The following ANKRD44 variants were observed in gnomAD, a reference collection of about 807,000 sequenced individuals.
The protein encoded by ANKRD44 is ankyrin repeat domain 44.
In ANKRD44, 35 loss-of-function variants were observed where a neutral mutation model predicts 116.0. The observed-to-expected ratio is 0.30, with a 90% CI of 0.23 to 0.40. The LOEUF is 0.40. Among genes scored for constraint, ANKRD44 ranks in the 10% least tolerant of loss-of-function variants. The pLI, the probability that ANKRD44 is intolerant of heterozygous loss-of-function variation, is 1.00. For synonymous variants in ANKRD44, 435 were observed against 461.8 expected (o/e 0.94, Z 0.74); for missense variants, 1,014 against 1,242.6 (o/e 0.82, Z 2.77).
chr2:197,050,599 T>C (rs2077088632), intron 16 of ANKRD44, among the ~76,000 whole-genome samples: 1 of 151,998 alleles, frequency 6.6e-6, no homozygotes, highest in Admixed American at 6.6e-5. Context: ...ATTCTTGTAT[T>C]TTCAGTGGAG....
intron 1 of ANKRD44, among the ~76,000 whole-genome samples, chr2:197,278,987 C>T (rs1298818409): frequency 6.6e-6 from 1 of 152,180 alleles, no homozygotes; most frequent in East Asian, 1.9e-4. Flanking sequence ...TTTTCCACAT[C>T]CTTTCAAAGG....
At chr2:197,078,662 G>A (rs772341304) in intron 16 of ANKRD44, 41 bp downstream of exon 16, 4 of 1,530,390 alleles carry the variant, frequency 2.6e-6, no homozygotes, top group Admixed American at 1.7e-5. Context: ...TGGGGTATGT[G>A]TGTGTGTGTG....
intron 10 of ANKRD44, chr2:197,099,482 T>A: frequency 9.8e-7 from 1 of 1,025,142 alleles, no homozygotes; most frequent in Non-Finnish European, 1.2e-6. Flanking sequence ...CATTCTAAAT[T>A]GGCTCAGTTA....
chr2:197,028,061 G>T (rs2076631314), intron 16 of ANKRD44, among the ~76,000 whole-genome samples: 1 of 152,044 alleles, frequency 6.6e-6, no homozygotes, highest in African/African-American at 2.4e-5. Context: ...TTAGCAAAAT[G>T]GAGGAAGCTA....
At chr2:197,258,658 C>A (rs1053128443) in intron 1 of ANKRD44, among the ~76,000 whole-genome samples, 12 of 152,130 alleles carry the variant, frequency 7.9e-5, no homozygotes, top group Admixed American at 2.6e-4. Context: ...TTTTGAGAAA[C>A]CACCACACGG....
chr2:197,019,806 T>C lies in ANKRD44; in HGVS notation c.1722+5390A>G, dbSNP rs553722295. On this transcript the variant is annotated intron_variant, in intron 17 of 27. Coordinates refer to ENST00000282272, the MANE Select transcript of ANKRD44 (RefSeq NM_001195144.2). ...GCGATTTCTTTTTTTTTCTTTCTTT[T>C]TTTTTTTTGAGCTGGAGTCTCATTC... is the stretch of plus-strand genomic sequence containing the variant. 4.6e-5 allele frequency among the ~76,000 whole-genome samples: 7 copies of C among 151,950 alleles called. No individual in the cohort carries two copies. The South Asian group carries it at 6.2e-4, about 14-fold the overall frequency.
intron 21 of ANKRD44, among the ~76,000 whole-genome samples, chr2:196,971,235 C>T (rs2075713799): frequency 6.6e-6 from 1 of 152,218 alleles, no homozygotes; most frequent in South Asian, 2.1e-4. Flanking sequence ...TACAAAATGA[C>T]ACCTATAAAC....
chr2:197,244,960 G>A (rs1476484023), intron 1 of ANKRD44, among the ~76,000 whole-genome samples: 1 of 151,942 alleles, frequency 6.6e-6, no homozygotes, highest in Non-Finnish European at 1.5e-5. Context: ...AATATTTAGG[G>A]AAAAAAATAA....
intron 1 of ANKRD44, among the ~76,000 whole-genome samples, chr2:197,238,226 C>T (rs1045834371): frequency 6.6e-6 from 1 of 152,198 alleles, no homozygotes; most frequent in African/African-American, 2.4e-5. Context: ...GTTTGGCTCA[C>T]ACTGGATTCC....
rs1161218310 is a variant in ANKRD44, at chr2:197,273,930, T to A, written c.27+36648A>T. ...TTCAGATGTTTCCACCTCATCATGC[T>A]AATCTACCTGTAAGCTAGTCAACCA... On this transcript the variant is annotated intron_variant, in intron 1 of 27. Coordinates refer to ENST00000282272, the MANE Select transcript of ANKRD44 (RefSeq NM_001195144.2). 3.0e-5 allele frequency among the ~76,000 whole-genome samples: 4 copies of A among 132,374 alleles called. 1 individual carries two copies. The highest frequency in any genetic ancestry group is 8.7e-5 in the African/African-American group (3 of 34,508). The allele number at this position is 132,374 out of a possible 152,430, so 86.8% of individuals were successfully genotyped here.
chr2:197,147,618 T>C (rs1314016904), intron 2 of ANKRD44, among the ~76,000 whole-genome samples: 1 of 152,078 alleles, frequency 6.6e-6, no homozygotes, highest in Admixed American at 6.6e-5. Flanking sequence ...ATGAAATACT[T>C]ACTGAATGCT....
intron 9 of ANKRD44, among the ~76,000 whole-genome samples, chr2:197,109,879 G>T (rs1415958679): frequency 6.6e-6 from 1 of 152,052 alleles, no homozygotes; most frequent in Non-Finnish European, 1.5e-5. Flanking sequence ...CTAGTACTTT[G>T]ACTTCAGTGA....
At chr2:197,227,874 G>C (rs2081757683) in intron 1 of ANKRD44, among the ~76,000 whole-genome samples, 1 of 152,216 alleles carries the variant, frequency 6.6e-6, no homozygotes, top group Non-Finnish European at 1.5e-5. Flanking sequence ...ATTAAATGTA[G>C]AGATAATTTA....
intron 3 of ANKRD44, among the ~76,000 whole-genome samples, chr2:197,142,193 A>T (rs1339781248): frequency 6.6e-6 from 1 of 152,208 alleles, no homozygotes; most frequent in Non-Finnish European, 1.5e-5. Flanking sequence ...ATCAGGGGTG[A>T]AGTGAACTCT....
chr2:197,080,788 G>A (rs887389082), intron 15 of ANKRD44, among the ~76,000 whole-genome samples: 11 of 152,106 alleles, frequency 7.2e-5, no homozygotes, highest in African/African-American at 2.4e-4. Context: ...AGGCATTCGG[G>A]CCACAGAAAA....
intron 3 of ANKRD44, among the ~76,000 whole-genome samples, chr2:197,136,951 C>CA (rs2079233123): frequency 6.6e-6 from 1 of 152,184 alleles, no homozygotes; most frequent in East Asian, 1.9e-4. Context: ...ACTACTTTCT[C>CA]AAACTATGGG....
At chr2:196,985,560 T>A (rs935835524), downstream of ANKRD44, among the ~76,000 whole-genome samples, 1 of 152,206 alleles carries the variant, frequency 6.6e-6, no homozygotes, top group Non-Finnish European at 1.5e-5. Context: ...TATGGCAAGA[T>A]GGCATCGAAG....
chr2:197,175,346 G>A (rs557973099), intron 2 of ANKRD44, among the ~76,000 whole-genome samples: 7 of 152,134 alleles, frequency 4.6e-5, no homozygotes, highest in Non-Finnish European at 8.8e-5. Flanking sequence ...AACATGGAGT[G>A]TCCCCTGCTT....
chr2:197,097,383 A>G (rs1449898062), intron 10 of ANKRD44, among the ~76,000 whole-genome samples: 3 of 152,162 alleles, frequency 2.0e-5, no homozygotes, highest in Non-Finnish European at 4.4e-5. Context: ...CTTAATTAAC[A>G]CTGAGCATTT....
Sources: allele counts gnomAD v4.1 joint callset (sites outside exome capture counted in the v4.1 genomes callset), GRCh38; gene constraint gnomAD v4.1.1; transcripts MANE v1.5; gene names NCBI Gene and HGNC (gene_info 2026-07-23, HGNC 2026-07-21).